Variants in DOCK8 observed in about 807,000 individuals in gnomAD.
DOCK8 encodes the protein dedicator of cytokinesis 8.
A neutral mutation model predicts 245.6 loss-of-function variants in DOCK8; 141 were observed. That is an observed-to-expected ratio of 0.57 (90% CI 0.50 to 0.66). The LOEUF (loss-of-function observed/expected upper bound fraction) is 0.66. Among genes scored for constraint, DOCK8 ranks in the 30% least tolerant of loss-of-function variants. DOCK8 has a pLI of 0.00. For synonymous variants in DOCK8, 1,168 were observed against 970.2 expected, an observed-to-expected ratio of 1.20 and a Z score of -3.79; for missense variants, 2,965 against 2,603.4, an observed-to-expected ratio of 1.14 and a Z score of -3.02.
intron 1 of DOCK8, among the ~76,000 whole-genome samples, chr9:217,333 G>A (rs1023345156): frequency 6.6e-6 from 1 of 152,168 alleles, no homozygotes; most frequent in African/African-American, 2.4e-5. Context: ...AGAGCTTCAG[G>A]CAGAGATCAG....
chr9:457,286 G>A (rs561709459), intron 46 of DOCK8, among the ~76,000 whole-genome samples: 2 of 152,292 alleles, frequency 1.3e-5, no homozygotes, highest in South Asian at 4.1e-4. Context: ...CTAGATGTGT[G>A]ACCCTGAGAA....
intron 14 of DOCK8, chr9:365,618 T>G (rs532377575): frequency 4.4e-6 from 2 of 456,096 alleles, no homozygotes; most frequent in Non-Finnish European, 8.8e-6. Context: ...CAGCTGTTGC[T>G]CATTAATGCT....
chr9:331,580 A>G (rs1263368106), intron 9 of DOCK8, among the ~76,000 whole-genome samples: 1 of 152,192 alleles, frequency 6.6e-6, no homozygotes, highest in African/African-American at 2.4e-5. Flanking sequence ...GACTAAATCC[A>G]CTGGTTTTAC....
rs192191766 is a variant in DOCK8 at position 453,817 on chromosome 9, A to T, written c.6068+1700A>T. ...GCTCAGAGATTGGGGGCTTAAAAAAATTTTTTTTCATATATTTTTATTTAA... is the reference window on the plus strand; with the variant it reads ...GCTCAGAGATTGGGGGCTTAAAAAATTTTTTTTTCATATATTTTTATTTAA... On this transcript the variant is annotated intron_variant, in intron 46 of 47. Coordinates refer to ENST00000432829, the MANE Select transcript of DOCK8 (RefSeq NM_203447.4). Among the ~76,000 whole-genome samples the T allele has an allele frequency of 8.9e-4, 136 of 152,060 alleles. 1 individual carries two copies. In the East Asian group the frequency reaches 0.012, roughly 14 times the overall value.
Position 334,976 on chromosome 9 carries a change from G to A in DOCK8, c.1285+592G>A, listed in dbSNP as rs148503255. ...TACACGTCTGTAATCTCAGCTACTC[G>A]GGAGGCAGAGGCAGGAGAATCGCTT... is the stretch of plus-strand genomic sequence containing the variant. On this transcript the variant is annotated intron_variant, in intron 11 of 47. Transcript: ENST00000432829. 5.9e-3 allele frequency among the ~76,000 whole-genome samples: 901 copies of A among 152,022 alleles called. 12 individuals are homozygous for A. The highest frequency in any genetic ancestry group is 0.021 in the African/African-American group (861 of 41,466).
intron 29 of DOCK8, among the ~76,000 whole-genome samples, chr9:416,763 T>A (rs1422260444): frequency 6.6e-6 from 1 of 152,238 alleles, no homozygotes; most frequent in Non-Finnish European, 1.5e-5. Context: ...TAACGATGTC[T>A]ACCTTTTAGG....
chr9:249,012 G>GA (rs2047581828), intron 1 of DOCK8, among the ~76,000 whole-genome samples: 1 of 152,172 alleles, frequency 6.6e-6, no homozygotes, highest in African/African-American at 2.4e-5. Flanking sequence ...CAGGTAGTGG[G>GA]AGGTCCCACT....
At chr9:407,272 G>C (rs1378400653) in intron 28 of DOCK8, among the ~76,000 whole-genome samples, 1 of 152,082 alleles carries the variant, frequency 6.6e-6, no homozygotes, top group African/African-American at 2.4e-5. Context: ...AAGGCACCAG[G>C]GATGGGTAAG....
At chr9:305,827 C>T (rs2049801171) in intron 5 of DOCK8, among the ~76,000 whole-genome samples, 1 of 152,164 alleles carries the variant, frequency 6.6e-6, no homozygotes, top group African/African-American at 2.4e-5. Flanking sequence ...GCTCTATACA[C>T]CTATGCTCAC....
At chr9:431,942 G>T (rs1041196992) in intron 36 of DOCK8, among the ~76,000 whole-genome samples, 5 of 152,184 alleles carry the variant, frequency 3.3e-5, no homozygotes, top group African/African-American at 1.2e-4. Flanking sequence ...TTTAAAGGGA[G>T]CCTGACAGAT....
chr9:386,612 C>G (rs1361685705), intron 23 of DOCK8, among the ~76,000 whole-genome samples, 186 bp downstream of exon 23: 1 of 152,222 alleles, frequency 6.6e-6, no homozygotes, highest in African/African-American at 2.4e-5. Context: ...CCTAATTGCC[C>G]ATTAACTCAG....
chr9:401,267 C>G (rs1014760020), intron 26 of DOCK8, among the ~76,000 whole-genome samples: 5 of 152,214 alleles, frequency 3.3e-5, no homozygotes, highest in African/African-American at 4.8e-5. Flanking sequence ...AAAGCAGTGA[C>G]ATACAAGCTT....
chr9:216,987 C>T (rs934871457), intron 1 of DOCK8, among the ~76,000 whole-genome samples: 2 of 152,126 alleles, frequency 1.3e-5, no homozygotes, highest in Non-Finnish European at 2.9e-5. Context: ...GCTTTGGTTT[C>T]TTTATGTGCC....
At chr9:218,890 T>G (rs1189814964) in intron 1 of DOCK8, among the ~76,000 whole-genome samples, 1 of 152,180 alleles carries the variant, frequency 6.6e-6, no homozygotes, top group Non-Finnish European at 1.5e-5. Context: ...TCGTAACTCA[T>G]TCACCTCTAT....
At chr9:455,715 C>T (rs1355643709) in intron 46 of DOCK8, among the ~76,000 whole-genome samples, 14 of 152,048 alleles carry the variant, frequency 9.2e-5, no homozygotes, top group Admixed American at 8.5e-4. Context: ...GGCTTAATCT[C>T]TTAGGCCATC....
intron 23 of DOCK8, among the ~76,000 whole-genome samples, chr9:389,818 C>CT (rs975922474): frequency 2.0e-5 from 3 of 151,682 alleles, no homozygotes; most frequent in Non-Finnish European, 4.4e-5. Context: ...GAGTTTGAGA[C>CT]TAAGTGGGCA....
At chr9:417,967 T>G in intron 29 of DOCK8, 101 bp from the exon 30 acceptor site, 1 of 1,488,434 alleles carries the variant, frequency 6.7e-7, no homozygotes, top group Non-Finnish European at 9.3e-7. Flanking sequence ...GAAATTACTG[T>G]GCTGACTTTA....
At chr9:237,264 C>T (rs1374243784) in intron 1 of DOCK8, among the ~76,000 whole-genome samples, 1 of 152,204 alleles carries the variant, frequency 6.6e-6, no homozygotes, top group Non-Finnish European at 1.5e-5. Flanking sequence ...AGCTGAAGCA[C>T]CTGAGATCCT....
At chr9:262,932 C>T (rs180872775) in intron 1 of DOCK8, among the ~76,000 whole-genome samples, 2,212 of 152,252 alleles carry the variant, frequency 0.015, 60 homozygotes, top group African/African-American at 0.05. Context: ...ATAGGCAGGG[C>T]ACGGTGGCTC....
Sources: gnomAD v4.1 joint callset for allele counts (sites outside exome capture counted in the v4.1 genomes callset) on GRCh38, gnomAD v4.1.1 for gene constraint, MANE v1.5 for transcripts, NCBI Gene and HGNC (gene_info 2026-07-23, HGNC 2026-07-21) for gene names.